CCDC88A: variants seen among roughly 807,000 people sequenced by gnomAD.
CCDC88A encodes coiled-coil and HOOK domain protein 88A.
CCDC88A carries 54 observed loss-of-function variants against 234.3 expected under a neutral mutation model. That is an observed-to-expected ratio of 0.23 (90% CI 0.19 to 0.29). The LOEUF is 0.29. Ranked by LOEUF, CCDC88A falls within the 10% of genes least tolerant of loss-of-function variation. CCDC88A has a pLI of 1.00. For synonymous variants in CCDC88A, 753 were observed against 737.8 expected (o/e 1.02, Z -0.33); for missense variants, 1,832 against 2,123.4 (o/e 0.86, Z 2.70).
Position 55,419,219 on chromosome 2 carries a change from A to G in CCDC88A, c.-140T>C. 1.6e-6 allele frequency: 1 copy of G among 621,030 alleles called. No homozygotes were observed. The highest frequency in any genetic ancestry group is 2.9e-6 in the Non-Finnish European group (1 of 349,266). 38.5% of individuals were successfully genotyped at this position (621,030 alleles called of 1,614,324 possible). ...AAATCCCATCGTGGAGGAGGGGGGCACTCTCCCTCCTCAAAAAACACCCCA... is the reference window on the plus strand; with the variant it reads ...AAATCCCATCGTGGAGGAGGGGGGCGCTCTCCCTCCTCAAAAAACACCCCA... On this transcript the variant is annotated 5_prime_UTR_variant, in exon 1 of 33. Coordinates refer to ENST00000436346, the MANE Select transcript of CCDC88A (RefSeq NM_001365480.1).
At chr2:55,297,905 G>C (rs1002036820) in intron 29 of CCDC88A, among the ~76,000 whole-genome samples, 3 of 152,124 alleles carry the variant, frequency 2.0e-5, no homozygotes, top group African/African-American at 2.4e-5. Context: ...GTTAAATAAA[G>C]ATATGAAGCA....
At chr2:55,322,888 T>G (rs1262367820) in intron 17 of CCDC88A, 196 bp from the exon 18 acceptor site, 4 of 384,290 alleles carry the variant, frequency 1.0e-5, no homozygotes, top group African/African-American at 2.1e-5. Context: ...ATACTCTACT[T>G]ATGTGCCAGA....
intron 13 of CCDC88A, among the ~76,000 whole-genome samples, chr2:55,338,762 A>G (rs1400391935): frequency 1.3e-5 from 2 of 152,186 alleles, no homozygotes; most frequent in African/African-American, 4.8e-5. Context: ...GCAGCTTTTA[A>G]AGAGGCTTCC....
At chr2:55,295,106 A>T (rs1679870796) in intron 31 of CCDC88A, 1 of 1,304,572 alleles carries the variant, frequency 7.7e-7, no homozygotes. Context: ...GATTATCCTC[A>T]GAAACCAACA....
rs1261953696 is a variant in CCDC88A at position 55,290,007 on chromosome 2, A to T, written c.*1193T>A. On this transcript the variant is annotated 3_prime_UTR_variant, in exon 33 of 33. Transcript: ENST00000436346. ...TATTGATGTTAAATAATGAATTTGC[A>T]TTAATGAGTATCAATGCATTTTTTG... is the stretch of plus-strand genomic sequence containing the variant. The T allele has an allele frequency of 1.3e-5, 2 of 152,608 alleles. No individual in the cohort carries two copies. Among genetic ancestry groups the T allele is most frequent in the Non-Finnish European group, 2.9e-5 (2 of 67,994 alleles). The allele number at this position is 152,608 out of a possible 1,614,324, so 9.5% of individuals were successfully genotyped here.
intron 2 of CCDC88A, among the ~76,000 whole-genome samples, chr2:55,415,421 A>T (rs1681203429): frequency 6.6e-6 from 1 of 152,234 alleles, no homozygotes; most frequent in Admixed American, 6.5e-5. Context: ...AACGTTTTTC[A>T]AGACATTGGA....
At position 55,383,236 on chromosome 2, in the gene CCDC88A, C is replaced by G. The variant is rs76353706; in HGVS notation, c.273+5542G>C. Among the ~76,000 whole-genome samples the G allele has an allele frequency of 1.1e-4, 17 of 152,210 alleles. No individual in the cohort carries two copies. The East Asian group carries it at 2.7e-3, about 24-fold the overall frequency. ...ACAAGATGACCTTGATGCTTACCAA[C>G]CTATCAAAAAAATTTTTTGGGAAAC... On this transcript the variant is annotated intron_variant, in intron 3 of 32. Coordinates refer to ENST00000436346, the MANE Select transcript of CCDC88A (RefSeq NM_001365480.1).
At chr2:55,303,340 A>G (rs1243334124) in intron 25 of CCDC88A, among the ~76,000 whole-genome samples, 188 bp from the exon 26 acceptor site, 5 of 151,990 alleles carry the variant, frequency 3.3e-5, no homozygotes, top group East Asian at 1.9e-4. Context: ...ATGTACTTTG[A>G]TATTTTAAAA....
In CCDC88A at chr2:55,291,939, T is replaced by C. The variant is rs1679486634; in HGVS notation, c.5552-164A>G. On this transcript the variant is annotated intron_variant, in intron 31 of 32. Transcript: ENST00000436346. The stretch of plus-strand genomic sequence containing the variant: ...CATCTCAATACTTAAAGATCGATTT[T>C]TATATTTTAAAGCTATAAGTAATAT... 6 of 500,970 alleles carry C rather than the reference T, an allele frequency of 1.2e-5. No homozygotes were observed. The South Asian group carries it at 1.8e-4, about 15-fold the overall frequency. The allele number at this position is 500,970 out of a possible 1,614,324, so 31.0% of individuals were successfully genotyped here. A position where few individuals can be genotyped will look rare whatever the true frequency, so the allele number is the denominator to read the frequency against.
chr2:55,296,827 G>A (rs571290780), intron 29 of CCDC88A: 12 of 249,456 alleles, frequency 4.8e-5, no homozygotes, highest in African/African-American at 2.7e-4. Context: ...TATATTTTTT[G>A]AGTAAATGAA....
chr2:55,339,712 A>G, intron 12 of CCDC88A, 64 bp from the exon 13 acceptor site: 1 of 1,427,636 alleles, frequency 7.0e-7, no homozygotes, highest in South Asian at 1.5e-5. Context: ...TTTACTCTTT[A>G]CTATTTAAAA....
chr2:55,292,829 C>T (rs1679581429), intron 31 of CCDC88A: 1 of 152,222 alleles, frequency 6.6e-6, no homozygotes, highest in African/African-American at 2.4e-5. Context: ...CCACTGTACT[C>T]CAGCCTAGGC....
chr2:55,380,348 G>T (rs1270807494), intron 3 of CCDC88A, among the ~76,000 whole-genome samples: 4 of 152,110 alleles, frequency 2.6e-5, no homozygotes, highest in African/African-American at 9.7e-5. Context: ...CAAATATAGA[G>T]ATTTTGAATG....
chr2:55,406,940 C>A (rs892836363), intron 2 of CCDC88A, among the ~76,000 whole-genome samples: 1 of 152,190 alleles, frequency 6.6e-6, no homozygotes, highest in Non-Finnish European at 1.5e-5. Context: ...AAGCCAGGCA[C>A]AGTGGCTAAT....
intron 7 of CCDC88A, among the ~76,000 whole-genome samples, chr2:55,358,149 A>T (rs540223399): frequency 2.6e-4 from 40 of 152,196 alleles, no homozygotes; most frequent in Non-Finnish European, 4.4e-4. Context: ...GAAGAAAAAG[A>T]AAAAGGAATT....
At chr2:55,308,534 CAG>C in intron 25 of CCDC88A, 1 of 341,882 alleles carries the variant, frequency 2.9e-6, no homozygotes, top group South Asian at 4.3e-5. Flanking sequence ...CCCATATTAA[CAG>C]AAATAGCAAG....
chr2:55,317,293 T>C lies in CCDC88A; in HGVS notation c.3659A>G (p.Lys1220Arg). Residue 1220 changes from lysine to arginine, a missense_variant, in exon 21 of 33, where the codon AAA becomes AGA. By Grantham distance (26) the Lys-to-Arg change is conservative (BLOSUM62 2). Coordinates refer to ENST00000436346, the MANE Select transcript of CCDC88A (RefSeq NM_001365480.1). The surrounding 1 kb of genome is among the most constrained non-coding windows in gnomAD (Gnocchi z 4.2). ...AAGCAGCATTTTTTCCTGTTCTACT[T>C]TGAGCATTTTTTCCAAATCTTCCAA... ...GQLEDLEKML[K>R]VEQEKMLLEN... is the part of the protein sequence containing the mutation. The C allele has an allele frequency of 1.3e-6, 2 of 1,554,020 alleles. No individual in the cohort carries two copies. Among genetic ancestry groups the C allele is most frequent in the Non-Finnish European group, 1.7e-6 (2 of 1,146,070 alleles).
At chr2:55,370,894 T>A (rs1295110148) in intron 5 of CCDC88A, among the ~76,000 whole-genome samples, 2 of 151,310 alleles carry the variant, frequency 1.3e-5, no homozygotes, top group Non-Finnish European at 2.9e-5. Flanking sequence ...TGCCCGTAGT[T>A]CCAGCTGCTC....
At chr2:55,386,827 G>A (rs1444579553) in intron 3 of CCDC88A, among the ~76,000 whole-genome samples, 1 of 151,968 alleles carries the variant, frequency 6.6e-6, no homozygotes, top group Non-Finnish European at 1.5e-5. Context: ...AAAAACAAGA[G>A]TGAAATAAAG....
Sources: allele counts gnomAD v4.1 joint callset (sites outside exome capture counted in the v4.1 genomes callset), GRCh38; gene constraint gnomAD v4.1.1; non-coding constraint Gnocchi (gnomAD v3.1); transcripts MANE v1.5; gene names NCBI Gene and HGNC (gene_info 2026-07-23, HGNC 2026-07-21).